SUMF2: variants seen among roughly 807,000 people sequenced by gnomAD.
SUMF2 encodes the protein inactive C-alpha-formylglycine-generating enzyme 2.
In SUMF2, 45 loss-of-function variants were observed where a neutral mutation model predicts 44.8. The ratio of observed to expected loss-of-function variants is 1.00; its 90% CI spans 0.79 to 1.29. The LOEUF (loss-of-function observed/expected upper bound fraction) is 1.29, where lower values mean the gene tolerates loss of function less well. Among genes scored for constraint, SUMF2 ranks in the 50% most tolerant of loss-of-function variants. The pLI is 0.00. For synonymous variants in SUMF2, 148 were observed against 150.4 expected, an observed-to-expected ratio of 0.98 and a Z score of 0.12; for missense variants, 418 against 389.9, an observed-to-expected ratio of 1.07 and a Z score of -0.61.
chr7:56,082,063 C>T (rs780756936), downstream of SUMF2: 7 of 1,610,314 alleles, frequency 4.3e-6, no homozygotes, highest in Non-Finnish European at 5.1e-6. Context: ...ATGCGAGGGC[C>T]CAGGGCCACT....
At chr7:56,071,267 A>G (rs1047575839) in intron 2 of SUMF2, among the ~76,000 whole-genome samples, 2 of 152,040 alleles carry the variant, frequency 1.3e-5, no homozygotes, top group African/African-American at 4.8e-5. Context: ...TGAGGAGGGA[A>G]AATTGCTTGG....
At chr7:56,065,836 A>G (rs1794746915) in intron 1 of SUMF2, among the ~76,000 whole-genome samples, 1 of 152,154 alleles carries the variant, frequency 6.6e-6, no homozygotes, top group South Asian at 2.1e-4. Flanking sequence ...AAATCCCAGC[A>G]CTTTAAGAGC....
At chr7:56,083,163 A>C, downstream of SUMF2, 1 of 928,176 alleles carries the variant, frequency 1.1e-6, no homozygotes, top group Non-Finnish European at 1.6e-6. Context: ...GAAATGGTGG[A>C]ATTTTTATTC....
downstream of SUMF2, chr7:56,080,968 C>G (rs1795943527): frequency 6.7e-7 from 1 of 1,489,562 alleles, no homozygotes; most frequent in Non-Finnish European, 9.1e-7. Context: ...TCTGCAGAGG[C>G]CTGCACGCAT....
chr7:56,078,096 C>A lies in SUMF2; in HGVS notation c.592-6C>A. On this transcript the variant is annotated splice_region_variant and splice_polypyrimidine_tract_variant and intron_variant, in intron 6 of 8. Transcript: ENST00000434526. ...TAAATCCTTTACCCTTCCTTTCTCC[C>A]ATCAGGGAAAGTTCCCCAAGGGAGA... The A allele has an allele frequency of 6.2e-7, 1 of 1,607,344 alleles. No individual in the cohort carries two copies. Among genetic ancestry groups the A allele is most frequent in the Non-Finnish European group, 8.5e-7 (1 of 1,174,824 alleles).
chr7:56,086,673 C>T, the SUMF2 span, among the ~76,000 whole-genome samples: 8 of 151,910 alleles, frequency 5.3e-5, no homozygotes, highest in East Asian at 5.8e-4. Context: ...CCACTGCGCC[C>T]GCCTGTAGCT....
In SUMF2 at chr7:56,079,113, A is replaced by G. The variant is rs946725073; in HGVS notation, c.822-415A>G. 1.2e-5 allele frequency: 6 copies of G among 480,406 alleles called. No homozygotes were observed. The South Asian group carries it at 1.3e-4, about 10-fold the overall frequency. 29.8% of individuals were successfully genotyped at this position (480,406 alleles called of 1,614,324 possible). On this transcript the variant is annotated intron_variant, in intron 8 of 8. Coordinates refer to ENST00000434526, the MANE Select transcript of SUMF2 (RefSeq NM_015411.4). ...TGTCTCATACTCCTGGACTCAAGCA[A>G]TCAGCCCGCCTTGGCCTCCCAGAAT...
intron 3 of SUMF2, chr7:56,073,919 G>T: frequency 1.8e-6 from 1 of 554,026 alleles, no homozygotes. Context: ...GGAGGTTGAG[G>T]TGGGAGGATT....
At chr7:56,065,433 TTAA>T (rs1441211381) in intron 1 of SUMF2, among the ~76,000 whole-genome samples, 2 of 152,184 alleles carry the variant, frequency 1.3e-5, no homozygotes, top group African/African-American at 4.8e-5. Flanking sequence ...ACAGTGCTTC[TTAA>T]TAATATATTC....
rs775455798 is a variant in SUMF2 at position 56,078,314 on chromosome 7, G to A, written c.677-50G>A. On this transcript the variant is annotated intron_variant, in intron 7 of 8. Coordinates refer to ENST00000434526, the MANE Select transcript of SUMF2 (RefSeq NM_015411.4). ...GCCCCCAGGACCTCAGAGGGTAGGC[G>A]GGGTGGTCGGCGGGTCCCAGCCTGG... The A allele has an allele frequency of 1.4e-5, 22 of 1,558,708 alleles. No homozygotes were observed. In the African/African-American group the frequency reaches 1.5e-4, roughly 11 times the overall value.
chr7:56,079,877 G>A lies in SUMF2; in HGVS notation c.*265G>A, dbSNP rs1271284909. ...TAGAGGCCAAGTATTATTGACACAGGATTGCAAACACACAAACAATTGGAA... is the reference window on the plus strand; with the variant it reads ...TAGAGGCCAAGTATTATTGACACAGAATTGCAAACACACAAACAATTGGAA... On this transcript the variant is annotated 3_prime_UTR_variant, in exon 9 of 9. Transcript: ENST00000434526. 3 of 1,536,154 alleles carry A rather than the reference G, an allele frequency of 2.0e-6. No individual in the cohort carries two copies. Among genetic ancestry groups the A allele is most frequent in the Non-Finnish European group, 2.6e-6 (3 of 1,138,366 alleles).
intron 6 of SUMF2, 81 bp downstream of exon 6, chr7:56,076,970 TC>T: frequency 7.2e-7 from 1 of 1,385,208 alleles, no homozygotes; most frequent in Non-Finnish European, 9.9e-7. Flanking sequence ...GGCCGCGGCA[TC>T]CAGAAGGCTT....
the SUMF2 span, among the ~76,000 whole-genome samples, chr7:56,086,286 A>C: frequency 6.6e-6 from 1 of 152,022 alleles, no homozygotes; most frequent in African/African-American, 2.4e-5. Flanking sequence ...GCCTATACTT[A>C]CTATGTTTTT....
chr7:56,076,779 C>T, intron 5 of SUMF2, 55 bp from the exon 6 acceptor site: 5 of 1,485,422 alleles, frequency 3.4e-6, no homozygotes, highest in Admixed American at 4.1e-5. Context: ...GTTCTTTTTT[C>T]CTTCCCTAAT....
In SUMF2 at chr7:56,080,029, C is replaced by G. The variant is rs1489773077; in HGVS notation, c.*417C>G. 2.8e-6 allele frequency: 2 copies of G among 720,960 alleles called. No homozygotes were observed. Among genetic ancestry groups the G allele is most frequent in the African/African-American group, 3.6e-5 (2 of 55,886 alleles). The allele number at this position is 720,960 out of a possible 1,614,324, so 44.7% of individuals were successfully genotyped here. A position where few individuals can be genotyped will look rare whatever the true frequency, so the allele number is the denominator to read the frequency against. ...AATTTTCCTGGTTCTGTTTTCTCAGCCAGTTGCTGTGGAAGGAGAATGCTT... is the reference window on the plus strand; with the variant it reads ...AATTTTCCTGGTTCTGTTTTCTCAGGCAGTTGCTGTGGAAGGAGAATGCTT... On this transcript the variant is annotated 3_prime_UTR_variant, in exon 9 of 9. Coordinates refer to ENST00000434526, the MANE Select transcript of SUMF2 (RefSeq NM_015411.4).
downstream of SUMF2, chr7:56,081,605 G>A (rs778940977): frequency 5.0e-6 from 8 of 1,610,972 alleles, no homozygotes; most frequent in Admixed American, 5.0e-5. The surrounding 1 kb of genome is among the most constrained non-coding windows in gnomAD (Gnocchi z 4.6). Flanking sequence ...GGGAGCTGGC[G>A]GGCCTGGATC....
At chr7:56,067,585 T>A (rs1284785810) in intron 1 of SUMF2, among the ~76,000 whole-genome samples, 3 of 152,102 alleles carry the variant, frequency 2.0e-5, no homozygotes, top group Non-Finnish European at 4.4e-5. Context: ...GATATCCCCA[T>A]TTTTCAGATG....
At chr7:56,069,127 ACT>A (rs1326553373) in intron 2 of SUMF2, among the ~76,000 whole-genome samples, 1 of 150,944 alleles carries the variant, frequency 6.6e-6, no homozygotes, top group Admixed American at 6.6e-5. Context: ...GGTTTGACTG[ACT>A]CTCTCAGTTA....
rs374801147 is a variant in SUMF2, at chr7:56,079,585, C to G, written c.879C>G (p.Asp293Glu). The change falls in exon 9 of 9, where the codon GAC (aspartate) becomes GAG (glutamate). Residue 293 changes from aspartate (D) to glutamate (E), a missense_variant. By Grantham distance (45) the Asp-to-Glu change is conservative. Transcript: ENST00000434526. ...ACCTCGGTTTCCGCTGTGCTGCAGA[C>G]GCAGGCCGGCCGCCAGGGGAGCTGT... is the stretch of plus-strand genomic sequence containing the variant. ...SDNLGFRCAADAGRPPGEL is the reference protein window; with the variant it reads ...SDNLGFRCAAEAGRPPGEL 1 of 1,614,184 alleles carries G rather than the reference C, an allele frequency of 6.2e-7. No individual in the cohort carries two copies. The highest frequency in any genetic ancestry group is 1.7e-5 in the Admixed American group (1 of 60,018).
Sources: gnomAD v4.1 joint callset for allele counts (sites outside exome capture counted in the v4.1 genomes callset) on GRCh38, gnomAD v4.1.1 for gene constraint, Gnocchi (gnomAD v3.1) non-coding constraint, MANE v1.5 for transcripts, NCBI Gene and HGNC (gene_info 2026-07-23, HGNC 2026-07-21) for gene names.